The following GABRG3 variants were observed in gnomAD, a reference collection of about 807,000 sequenced individuals.
GABRG3 encodes gamma-aminobutyric acid receptor subunit gamma-3.
Under a neutral mutation model 48.8 loss-of-function variants are expected in GABRG3, and 25 were observed. The observed-to-expected ratio is 0.51, with a 90% CI of 0.37 to 0.72. The LOEUF (loss-of-function observed/expected upper bound fraction) is 0.72. Among genes scored for constraint, GABRG3 ranks in the 30% least tolerant of loss-of-function variants. GABRG3 has a pLI of 0.00. For missense variants in GABRG3, 394 were observed against 577.9 expected (o/e 0.68, Z 3.26); for synonymous variants, 227 against 217.6 (o/e 1.04, Z -0.38).
rs549866567 is a variant in GABRG3 at position 27,193,452 on chromosome 15, G to A, written c.271-133357G>A. 5.8e-4 allele frequency among the ~76,000 whole-genome samples: 88 copies of A among 151,992 alleles called. 1 individual carries two copies. The South Asian group carries it at 0.011, about 19-fold the overall frequency. On this transcript the variant is annotated intron_variant, in intron 3 of 9. Coordinates refer to ENST00000615808, the MANE Select transcript of GABRG3 (RefSeq NM_033223.5). ...GCGCCCCTCCCCCAGCCTCACTGCC[G>A]CCTTGCAGTTTGATCTCAGACTGCT...
intron 3 of GABRG3, among the ~76,000 whole-genome samples, chr15:27,303,670 T>C (rs1359568837): frequency 6.6e-6 from 1 of 151,226 alleles, no homozygotes; most frequent in Non-Finnish European, 1.5e-5. Context: ...AAAAGAAAAC[T>C]ACACAATATA....
chr15:27,398,051 G>A (rs539991906), intron 5 of GABRG3, among the ~76,000 whole-genome samples: 78 of 152,142 alleles, frequency 5.1e-4, no homozygotes, highest in Middle Eastern at 3.4e-3. Context: ...TGATCCTCCC[G>A]CCTCGGCCTC....
At chr15:27,039,970 C>A (rs920830556) in intron 3 of GABRG3, among the ~76,000 whole-genome samples, 4 of 151,522 alleles carry the variant, frequency 2.6e-5, no homozygotes, top group South Asian at 4.1e-4. Flanking sequence ...TGGGACACTT[C>A]TTCTCTTTTC....
chr15:27,368,943 G>C (rs2140554012), intron 5 of GABRG3, among the ~76,000 whole-genome samples: 1 of 152,322 alleles, frequency 6.6e-6, no homozygotes, highest in African/African-American at 2.4e-5. Flanking sequence ...ACCTTGGACA[G>C]ATAGTCAAGG....
rs1427298387 is a variant in GABRG3, at chr15:27,541,411, G to C, written c.*8530G>C. ...GCCTGTGTGGGAGGTGAAACTGTCA[G>C]GGGTCCTGGGAGATGGCCCAGGCAG... On this transcript the variant is annotated 3_prime_UTR_variant, in exon 10 of 10. Transcript: ENST00000615808. 1 of 152,544 alleles carries C rather than the reference G, an allele frequency of 6.6e-6. No individual in the cohort carries two copies. Among genetic ancestry groups the C allele is most frequent in the Non-Finnish European group, 1.5e-5 (1 of 68,294 alleles). The allele number at this position is 152,544 out of a possible 1,614,324, so 9.4% of individuals were successfully genotyped here.
At position 27,388,341 on chromosome 15, in the gene GABRG3, TGG is replaced by T. The variant is rs1896095665; in HGVS notation, c.574+59455_574+59456del. ...GGGAAAAGAAGGAAGGAAGGAAAGGTGGGAGGGAGGGTAAGGAAGGAAGGAAG... is the reference window on the plus strand; with the variant it reads ...GGGAAAAGAAGGAAGGAAGGAAAGGTGAGGGAGGGTAAGGAAGGAAGGAAG... On this transcript the variant is annotated intron_variant, in intron 5 of 9. Transcript: ENST00000615808. 5.1e-4 allele frequency among the ~76,000 whole-genome samples: 5 copies of T among 9,748 alleles called. 2 individuals are homozygous for T. The highest frequency in any genetic ancestry group is 2.4e-3 in the African/African-American group (5 of 2,094). The allele number at this position is 9,748 out of a possible 152,430, so 6.4% of individuals were successfully genotyped here.
chr15:27,410,417 T>G (rs1887761247), intron 5 of GABRG3, among the ~76,000 whole-genome samples: 1 of 152,348 alleles, frequency 6.6e-6, no homozygotes, highest in African/African-American at 2.4e-5. Context: ...TTGTGGGAAC[T>G]ATTTCATCCT....
intron 3 of GABRG3, among the ~76,000 whole-genome samples, chr15:27,076,680 A>C (rs546959145): frequency 6.6e-6 from 1 of 152,058 alleles, no homozygotes; most frequent in South Asian, 2.1e-4. Context: ...TCCAATGCTG[A>C]GTGTTCTTAG....
At chr15:27,233,637 C>T (rs1009691582) in intron 3 of GABRG3, among the ~76,000 whole-genome samples, 10 of 152,122 alleles carry the variant, frequency 6.6e-5, no homozygotes, top group African/African-American at 2.4e-4. Context: ...CCTCATAAAG[C>T]CATCACCTTG....
intron 3 of GABRG3, among the ~76,000 whole-genome samples, chr15:27,092,417 C>T (rs1472714243): frequency 6.6e-6 from 1 of 152,214 alleles, no homozygotes; most frequent in Admixed American, 6.5e-5. Flanking sequence ...TCTCTCTGCT[C>T]TCCTCTCCCA....
At chr15:27,448,848 A>G (rs185593598) in intron 5 of GABRG3, among the ~76,000 whole-genome samples, 56 of 152,226 alleles carry the variant, frequency 3.7e-4, no homozygotes, top group African/African-American at 1.1e-3. Flanking sequence ...AAAAAAACAG[A>G]TAAAAATTAT....
intron 5 of GABRG3, among the ~76,000 whole-genome samples, chr15:27,431,216 G>A (rs996627365): frequency 1.3e-5 from 2 of 151,856 alleles, no homozygotes; most frequent in Non-Finnish European, 2.9e-5. Context: ...TGGCTAATCT[G>A]GGTCCTTTGA....
rs140987389 is a variant in GABRG3 at position 27,335,913 on chromosome 15, C to T, written c.574+7025C>T. Among the ~76,000 whole-genome samples the T allele has an allele frequency of 9.1e-4, 139 of 152,158 alleles. 2 individuals carry two copies. The East Asian group carries it at 0.024, about 26-fold the overall frequency. Reference sequence around the variant, plus strand: ...AGAAATGGGTAAAAGACAGGCTGGGCGTGGTGGCTCATGCCTGTAATCTCA... The same window carrying T: ...AGAAATGGGTAAAAGACAGGCTGGGTGTGGTGGCTCATGCCTGTAATCTCA... On this transcript the variant is annotated intron_variant, in intron 5 of 9. Transcript: ENST00000615808.
chr15:27,174,832 C>T (rs1291951590), intron 3 of GABRG3, among the ~76,000 whole-genome samples: 2 of 152,054 alleles, frequency 1.3e-5, no homozygotes, highest in African/African-American at 4.8e-5. Flanking sequence ...CATTTCTTTA[C>T]CAAGCCCTAG....
intron 5 of GABRG3, among the ~76,000 whole-genome samples, chr15:27,370,568 G>A (rs956051702): frequency 6.6e-6 from 1 of 152,196 alleles, no homozygotes; most frequent in African/African-American, 2.4e-5. Context: ...GGGAGGCACT[G>A]TGACATGCTC....
At chr15:27,374,105 G>A (rs1895504609) in intron 5 of GABRG3, among the ~76,000 whole-genome samples, 1 of 137,528 alleles carries the variant, frequency 7.3e-6, no homozygotes, top group African/African-American at 2.7e-5. Flanking sequence ...TCAATCTGAT[G>A]TATCCTAGAA....
At chr15:27,380,866 C>T (rs549129637) in intron 5 of GABRG3, among the ~76,000 whole-genome samples, 22 of 149,750 alleles carry the variant, frequency 1.5e-4, no homozygotes, top group East Asian at 3.9e-4. Flanking sequence ...CCTGGGTTCA[C>T]GCCATTCTCC....
intron 2 of GABRG3, among the ~76,000 whole-genome samples, chr15:27,004,659 T>C (rs982929670): frequency 6.6e-6 from 1 of 152,226 alleles, no homozygotes; most frequent in Non-Finnish European, 1.5e-5. Context: ...CTGGGCACCA[T>C]TGAGCACTCC....
intron 3 of GABRG3, among the ~76,000 whole-genome samples, chr15:27,309,579 C>T (rs1171839369): frequency 2.6e-5 from 4 of 151,970 alleles, no homozygotes; most frequent in Admixed American, 1.3e-4. Context: ...GTTTAACATT[C>T]TTAGCTGTTA....
Sources: allele counts gnomAD v4.1 joint callset (sites outside exome capture counted in the v4.1 genomes callset), GRCh38; gene constraint gnomAD v4.1.1; transcripts MANE v1.5; gene names NCBI Gene and HGNC (gene_info 2026-07-23, HGNC 2026-07-21).